Variants in TC2N observed in about 807,000 individuals in gnomAD.
TC2N encodes tandem C2 domains nuclear protein.
Under a neutral mutation model 61.9 loss-of-function variants are expected in TC2N, and 51 were observed. The ratio of observed to expected loss-of-function variants is 0.82; its 90% CI spans 0.66 to 1.04. The LOEUF is 1.04. Among genes scored for constraint, TC2N ranks in the 50% least tolerant of loss-of-function variants. The pLI is 0.00. For missense variants in TC2N, 556 were observed against 566.7 expected (o/e 0.98, Z 0.19); for synonymous variants, 204 against 192.6 (o/e 1.06, Z -0.49).
At chr14:91,811,625 T>C (rs1430240574) in intron 3 of TC2N, among the ~76,000 whole-genome samples, 1 of 152,074 alleles carries the variant, frequency 6.6e-6, no homozygotes, top group Non-Finnish European at 1.5e-5. Flanking sequence ...GAAAAGTGAT[T>C]ACTAACCAAA....
chr14:91,804,388 G>C (rs1267457626), intron 3 of TC2N, among the ~76,000 whole-genome samples: 4 of 152,114 alleles, frequency 2.6e-5, no homozygotes, highest in Admixed American at 1.3e-4. Context: ...ATAGGTATAA[G>C]AATGTTCGTA....
At chr14:91,867,087 C>G (rs1308798911) in intron 1 of TC2N, among the ~76,000 whole-genome samples, 175 bp downstream of exon 1, 1 of 151,590 alleles carries the variant, frequency 6.6e-6, no homozygotes, top group Non-Finnish European at 1.5e-5. Context: ...CTTTTATGAG[C>G]CTGAGTTTCT....
chr14:91,821,643 G>T (rs1448788613), intron 1 of TC2N, among the ~76,000 whole-genome samples: 1 of 151,946 alleles, frequency 6.6e-6, no homozygotes, highest in African/African-American at 2.4e-5. Flanking sequence ...AGAAAAATTT[G>T]ATGTACTAGA....
At chr14:91,790,701 T>C (rs1885602081) in intron 9 of TC2N, among the ~76,000 whole-genome samples, 1 of 152,238 alleles carries the variant, frequency 6.6e-6, no homozygotes, top group Non-Finnish European at 1.5e-5. Context: ...AATATATGAA[T>C]TATCTATTTG....
intron 1 of TC2N, among the ~76,000 whole-genome samples, chr14:91,859,144 C>A (rs1214974321): frequency 6.6e-6 from 1 of 152,180 alleles, no homozygotes; most frequent in Non-Finnish European, 1.5e-5. Flanking sequence ...CGGTCTCTAG[C>A]ACCAGACTCT....
intron 1 of TC2N, among the ~76,000 whole-genome samples, chr14:91,861,978 A>G (rs1026866343): frequency 2.0e-5 from 3 of 151,886 alleles, no homozygotes; most frequent in Non-Finnish European, 4.4e-5. Flanking sequence ...GTGTGTATAT[A>G]TATGCATTGC....
chr14:91,820,493 A>G (rs1273813539), intron 1 of TC2N, among the ~76,000 whole-genome samples: 2 of 151,898 alleles, frequency 1.3e-5, no homozygotes, highest in African/African-American at 4.8e-5. Flanking sequence ...AAAAATCTAT[A>G]GTTAACATCA....
At chr14:91,841,122 CA>C (rs1888154929) in intron 1 of TC2N, among the ~76,000 whole-genome samples, 1 of 152,136 alleles carries the variant, frequency 6.6e-6, no homozygotes, top group African/African-American at 2.4e-5. Flanking sequence ...AATCCAAAAA[CA>C]AAAGAAGGTT....
intron 1 of TC2N, among the ~76,000 whole-genome samples, chr14:91,816,897 T>C (rs1488137703): frequency 6.6e-6 from 1 of 151,886 alleles, no homozygotes; most frequent in Non-Finnish European, 1.5e-5. Context: ...ACCAATGGTA[T>C]ATCATTTTAA....
chr14:91,783,541 C>A (rs1276968359), intron 11 of TC2N, among the ~76,000 whole-genome samples: 1 of 151,930 alleles, frequency 6.6e-6, no homozygotes, highest in African/African-American at 2.4e-5. Context: ...AAACTGATCC[C>A]AACCACTCAA....
chr14:91,833,929 A>G (rs1887896564), intron 1 of TC2N, among the ~76,000 whole-genome samples: 1 of 152,222 alleles, frequency 6.6e-6, no homozygotes, highest in South Asian at 2.1e-4. Context: ...AGCAACAAAA[A>G]AAAATCAAAC....
chr14:91,790,922 A>T (rs1226890881), intron 9 of TC2N, among the ~76,000 whole-genome samples: 1 of 151,924 alleles, frequency 6.6e-6, no homozygotes, highest in Non-Finnish European at 1.5e-5. Context: ...GTTTGAACTG[A>T]GGAGTTTGAT....
intron 3 of TC2N, chr14:91,812,111 T>C (rs977139749): frequency 4.0e-5 from 11 of 273,382 alleles, no homozygotes; most frequent in Non-Finnish European, 6.7e-5. Context: ...CAATTCTACA[T>C]ACAAATTATT....
intron 3 of TC2N, among the ~76,000 whole-genome samples, chr14:91,803,363 T>C (rs1281155913): frequency 1.4e-5 from 2 of 147,310 alleles, no homozygotes; most frequent in Non-Finnish European, 1.5e-5. Context: ...AGAGCATTAA[T>C]CATATACATA....
chr14:91,839,102 C>T (rs1436942335), intron 1 of TC2N, among the ~76,000 whole-genome samples: 3 of 152,096 alleles, frequency 2.0e-5, no homozygotes, highest in Non-Finnish European at 4.4e-5. Context: ...AGAGACAAAT[C>T]GCATAATTCC....
At chr14:91,854,154 T>C (rs1888432427) in intron 1 of TC2N, among the ~76,000 whole-genome samples, 1 of 152,066 alleles carries the variant, frequency 6.6e-6, no homozygotes, top group African/African-American at 2.4e-5. Flanking sequence ...AGGCACAGCT[T>C]CTGACCACTC....
At chr14:91,814,107 G>A (rs1214740810) in intron 1 of TC2N, among the ~76,000 whole-genome samples, 3 of 151,012 alleles carry the variant, frequency 2.0e-5, no homozygotes, top group African/African-American at 7.3e-5. Context: ...AAAATAAGAT[G>A]GAAGATTGAG....
chr14:91,797,241 C>T (rs973036824), intron 8 of TC2N, among the ~76,000 whole-genome samples: 3 of 151,958 alleles, frequency 2.0e-5, no homozygotes, highest in Non-Finnish European at 2.9e-5. Flanking sequence ...GTTTATTAGT[C>T]ATTTGAATGA....
intron 1 of TC2N, among the ~76,000 whole-genome samples, chr14:91,859,945 G>A (rs1888558211): frequency 6.6e-6 from 1 of 152,184 alleles, no homozygotes; most frequent in African/African-American, 2.4e-5. Flanking sequence ...AACTGGAGCA[G>A]CAGGCAGGAA....
Sources: allele counts gnomAD v4.1 joint callset (sites outside exome capture counted in the v4.1 genomes callset), GRCh38; gene constraint gnomAD v4.1.1; transcripts MANE v1.5; gene names NCBI Gene and HGNC (gene_info 2026-07-23, HGNC 2026-07-21).